Variants in RAD51B observed in about 807,000 individuals in gnomAD.
RAD51B encodes DNA repair protein RAD51 homolog 2.
RAD51B carries 38 observed loss-of-function variants against 42.2 expected under a neutral mutation model. The observed-to-expected ratio is 0.90, with a 90% CI of 0.70 to 1.18. The LOEUF (loss-of-function observed/expected upper bound fraction) is 1.18, where lower values mean the gene tolerates loss of function less well. RAD51B is among the 50% of genes most tolerant of loss of function. The pLI, the probability that RAD51B is intolerant of heterozygous loss-of-function variation, is 0.00. For missense variants in RAD51B, 373 were observed against 400.7 expected (o/e 0.93, Z 0.59); for synonymous variants, 154 against 145.2 (o/e 1.06, Z -0.43).
chr14:68,470,431 T>C (rs2086092914), intron 10 of RAD51B: 2 of 458,906 alleles, frequency 4.4e-6, no homozygotes, highest in African/African-American at 2.0e-5. Context: ...CCCCAGAAAA[T>C]GCAGGCCCCT....
intron 10 of RAD51B, chr14:68,563,082 A>G: frequency 1.0e-6 from 1 of 985,422 alleles, no homozygotes; most frequent in Non-Finnish European, 1.2e-6. Flanking sequence ...GCTGGCAGAA[A>G]AGCCTCCGTC....
At chr14:68,331,446 TAA>T (rs61574391) in intron 8 of RAD51B, among the ~76,000 whole-genome samples, 1 of 143,244 alleles carries the variant, frequency 7.0e-6, no homozygotes. Context: ...ACTTAAAGTT[TAA>T]AAAAAAAAAA....
Position 68,391,091 on chromosome 14 carries a change from C to T in RAD51B, c.854-20333C>T, listed in dbSNP as rs2083738492. On this transcript the variant is annotated intron_variant, in intron 8 of 10. Coordinates refer to ENST00000471583, the MANE Select transcript of RAD51B (RefSeq NM_133510.4). ...TTAGGATATGTTCACAAGATACTTT[C>T]CTCCAGAATTAGGTGGGAGATAAAT... 3.9e-5 allele frequency among the ~76,000 whole-genome samples: 6 copies of T among 152,190 alleles called. No individual in the cohort carries two copies. The South Asian group carries it at 1.2e-3, about 32-fold the overall frequency.
chr14:68,311,072 T>C (rs1265216024), intron 8 of RAD51B, among the ~76,000 whole-genome samples: 1 of 151,982 alleles, frequency 6.6e-6, no homozygotes, highest in South Asian at 2.1e-4. Context: ...CAGTCCAACA[T>C]GTAATCTAGT....
chr14:68,204,244 A>G (rs766539941), intron 7 of RAD51B, among the ~76,000 whole-genome samples: 13 of 152,196 alleles, frequency 8.5e-5, no homozygotes, highest in Non-Finnish European at 5.9e-5. Context: ...GGCTATTGTA[A>G]GGTTATTAAT....
rs117557069 is a variant in RAD51B at position 68,283,587 on chromosome 14, C to T, written c.757-8297C>T. The stretch of plus-strand genomic sequence containing the variant: ...TGCATGTTATTTCCTGCAGTGGGCC[C>T]AAGATCACTGACAGGATGCCGTCGG... On this transcript the variant is annotated intron_variant, in intron 7 of 10. Coordinates refer to ENST00000471583, the MANE Select transcript of RAD51B (RefSeq NM_133510.4). Among the ~76,000 whole-genome samples the T allele has an allele frequency of 2.0e-5, 3 of 152,330 alleles. No individual in the cohort carries two copies. In the East Asian group the frequency reaches 5.8e-4, roughly 29 times the overall value.
At chr14:68,673,391 A>G (rs1893201105) in intron 11 of RAD51B, among the ~76,000 whole-genome samples, 1 of 125,086 alleles carries the variant, frequency 8.0e-6, no homozygotes, top group Non-Finnish European at 1.6e-5. Flanking sequence ...AAATATATAC[A>G]TGCACACACA....
At chr14:68,486,009 T>C (rs1883596088) in intron 10 of RAD51B, among the ~76,000 whole-genome samples, 1 of 152,230 alleles carries the variant, frequency 6.6e-6, no homozygotes. Context: ...ATTCATTAGA[T>C]ACTATTACTT....
At chr14:68,077,881 G>A (rs1019047669) in intron 7 of RAD51B, among the ~76,000 whole-genome samples, 9 of 152,204 alleles carry the variant, frequency 5.9e-5, no homozygotes, top group East Asian at 1.9e-4. Context: ...GCTTGAACCC[G>A]GGAAGTGGAG....
intron 8 of RAD51B, among the ~76,000 whole-genome samples, chr14:68,394,171 T>G (rs932520033): frequency 2.0e-5 from 3 of 152,254 alleles, no homozygotes; most frequent in African/African-American, 7.2e-5. Flanking sequence ...GAAATTACAG[T>G]GATTGCATCT....
chr14:68,127,336 T>C (rs1252508259), intron 7 of RAD51B, among the ~76,000 whole-genome samples: 1 of 152,188 alleles, frequency 6.6e-6, no homozygotes, highest in Non-Finnish European at 1.5e-5. Flanking sequence ...AAAAGCACTA[T>C]TCACATACTG....
intron 4 of RAD51B, among the ~76,000 whole-genome samples, chr14:67,863,268 T>C (rs1299478247): frequency 1.3e-5 from 2 of 150,582 alleles, no homozygotes; most frequent in Non-Finnish European, 3.0e-5. Flanking sequence ...AGGCGTGTGC[T>C]AAACATTTGT....
At chr14:68,375,861 C>A (rs533048838) in intron 8 of RAD51B, among the ~76,000 whole-genome samples, 2 of 151,780 alleles carry the variant, frequency 1.3e-5, no homozygotes, top group East Asian at 3.9e-4. Flanking sequence ...TGAAAATCAC[C>A]AAGTTTAAAA....
chr14:68,564,137 G>T (rs1340008022), intron 10 of RAD51B, among the ~76,000 whole-genome samples: 1 of 152,226 alleles, frequency 6.6e-6, no homozygotes, highest in Non-Finnish European at 1.5e-5. Context: ...TTTTTGGAAG[G>T]CTAGGCCCTC....
At chr14:68,035,373 TTG>T (rs1269610257) in intron 7 of RAD51B, among the ~76,000 whole-genome samples, 2 of 146,630 alleles carry the variant, frequency 1.4e-5, no homozygotes, top group African/African-American at 5.5e-5. Flanking sequence ...AAGTGAAGAA[TTG>T]TTTTTTTTTA....
intron 7 of RAD51B, among the ~76,000 whole-genome samples, chr14:68,220,860 T>A (rs780465342): frequency 5.3e-5 from 8 of 152,114 alleles, no homozygotes; most frequent in African/African-American, 1.9e-4. Context: ...CGGCCAGGCA[T>A]GGTGGCTCAC....
intron 9 of RAD51B, among the ~76,000 whole-genome samples, chr14:68,467,697 G>A (rs2086019569): frequency 6.6e-6 from 1 of 152,244 alleles, no homozygotes; most frequent in Non-Finnish European, 1.5e-5. Flanking sequence ...GTAGTAGAGG[G>A]TTTGGTGAAG....
chr14:68,554,724 A>G (rs1888743930), intron 10 of RAD51B, among the ~76,000 whole-genome samples: 1 of 152,150 alleles, frequency 6.6e-6, no homozygotes. Context: ...TGTCAGTGTG[A>G]CAGTGCAGAA....
chr14:68,518,867 T>C (rs1040250972), intron 10 of RAD51B, among the ~76,000 whole-genome samples: 1 of 151,912 alleles, frequency 6.6e-6, no homozygotes, highest in African/African-American at 2.4e-5. Context: ...AACAAACCAT[T>C]CAAAAAACGA....
Sources: gnomAD v4.1 joint callset for allele counts (sites outside exome capture counted in the v4.1 genomes callset) on GRCh38, gnomAD v4.1.1 for gene constraint, MANE v1.5 for transcripts, NCBI Gene and HGNC (gene_info 2026-07-23, HGNC 2026-07-21) for gene names.